Variants in RHEX observed in about 807,000 individuals in gnomAD.
RHEX encodes the protein regulator of hemoglobinization and erythroid cell expansion protein.
RHEX carries 18 observed loss-of-function variants against 20.1 expected under a neutral mutation model. The observed-to-expected ratio is 0.90, with a 90% CI of 0.62 to 1.33. RHEX has a LOEUF of 1.33. Ranked by LOEUF, RHEX falls within the 40% of genes most tolerant of loss-of-function variation. The probability of loss-of-function intolerance (pLI) is 0.00; values close to 1 mark genes in which losing one functional copy is unlikely to be tolerated. For missense variants in RHEX, 192 were observed against 214.3 expected, an observed-to-expected ratio of 0.90 and a Z score of 0.65; for synonymous variants, 87 against 77.1, an observed-to-expected ratio of 1.13 and a Z score of -0.67.
intron 1 of RHEX, chr1:206,083,474 AT>A (rs1662777082): frequency 1.0e-6 from 1 of 984,972 alleles, no homozygotes; most frequent in Non-Finnish European, 1.2e-6. Context: ...AACGAGCGAG[AT>A]TGCTATCTTC....
chr1:206,083,308 C>T (rs1360264609), intron 1 of RHEX, among the ~76,000 whole-genome samples: 1 of 152,168 alleles, frequency 6.6e-6, no homozygotes, highest in Non-Finnish European at 1.5e-5. Context: ...CTCTACCTGG[C>T]TGCGTGTGTA....
intron 1 of RHEX, among the ~76,000 whole-genome samples, chr1:206,064,670 G>C (rs542129480): frequency 2.2e-5 from 3 of 133,734 alleles, no homozygotes; most frequent in Non-Finnish European, 3.2e-5. Flanking sequence ...TCAGCCCCCC[G>C]CCCGGCCAGC....
At chr1:206,086,433 C>A (rs1267553676) in intron 1 of RHEX, among the ~76,000 whole-genome samples, 1 of 152,076 alleles carries the variant, frequency 6.6e-6, no homozygotes, top group East Asian at 1.9e-4. Flanking sequence ...ACCTCCCACC[C>A]CTGCCTTTCT....
chr1:206,069,214 G>A (rs1433841791), intron 1 of RHEX, among the ~76,000 whole-genome samples: 1 of 152,214 alleles, frequency 6.6e-6, no homozygotes, highest in Non-Finnish European at 1.5e-5. Context: ...CCTGGGTGGG[G>A]AACATGCTAC....
intron 1 of RHEX, among the ~76,000 whole-genome samples, chr1:206,081,191 G>A (rs1377546471): frequency 3.9e-5 from 6 of 152,170 alleles, no homozygotes; most frequent in Non-Finnish European, 5.9e-5. Flanking sequence ...GAGTGGACAC[G>A]ATGCATGTAT....
intron 1 of RHEX, among the ~76,000 whole-genome samples, chr1:206,072,629 G>A (rs1470951316): frequency 3.3e-5 from 5 of 152,046 alleles, no homozygotes; most frequent in Non-Finnish European, 7.4e-5. Context: ...CCATATTCCC[G>A]TAATGTACTC....
chr1:206,098,382 C>A, intron 3 of RHEX: 1 of 554,102 alleles, frequency 1.8e-6, no homozygotes, highest in South Asian at 2.3e-5. Flanking sequence ...CACCTTTTAA[C>A]CAACTATTTC....
intron 1 of RHEX, among the ~76,000 whole-genome samples, chr1:206,097,497 T>G (rs1663096642): frequency 6.6e-6 from 1 of 152,228 alleles, no homozygotes; most frequent in African/African-American, 2.4e-5. Flanking sequence ...CTGAATCCAC[T>G]TTTATAAACG....
chr1:206,095,184 G>A (rs1201692640), intron 1 of RHEX, among the ~76,000 whole-genome samples: 1 of 152,034 alleles, frequency 6.6e-6, no homozygotes, highest in Non-Finnish European at 1.5e-5. Context: ...AAACTCAAAG[G>A]TGGCAAACTC....
intron 1 of RHEX, among the ~76,000 whole-genome samples, chr1:206,082,724 G>C (rs1309621635): frequency 1.3e-5 from 2 of 152,072 alleles, no homozygotes; most frequent in Admixed American, 6.6e-5. Context: ...AAGTCACCCA[G>C]TTGCCAAGTA....
In RHEX at chr1:206,084,012, T is replaced by C. The variant is rs182764841; in HGVS notation, c.-96-13721T>C. Among the ~76,000 whole-genome samples, 6 of 152,328 alleles carry C rather than the reference T, an allele frequency of 3.9e-5. No homozygotes were observed. The East Asian group carries it at 1.2e-3, about 29-fold the overall frequency. ...GGCATAAAACACCCACCTTACAGGG[T>C]TGCTACATGGATTCAGACAATGTAC... On this transcript the variant is annotated intron_variant, in intron 1 of 5. Coordinates refer to ENST00000331555, the MANE Select transcript of RHEX (RefSeq NM_001007544.4).
chr1:206,089,833 T>C (rs941753829), intron 1 of RHEX, among the ~76,000 whole-genome samples: 3 of 152,134 alleles, frequency 2.0e-5, no homozygotes, highest in South Asian at 4.1e-4. Flanking sequence ...ATTTCTTCCA[T>C]TGCATATAAA....
chr1:206,090,575 A>G (rs906380349), intron 1 of RHEX, among the ~76,000 whole-genome samples: 8 of 152,052 alleles, frequency 5.3e-5, no homozygotes, highest in Non-Finnish European at 1.0e-4. Context: ...GATACATTTT[A>G]GAGTAACCTC....
At position 206,090,571 on chromosome 1, in the gene RHEX, T is replaced by A. The variant is rs150589517; in HGVS notation, c.-96-7162T>A. ...TTGTTCTTGTGTTTTCCCAGATACA[T>A]TTTAGAGTAACCTCAAGTTATAAAA... On this transcript the variant is annotated intron_variant, in intron 1 of 5. Transcript: ENST00000331555. Among the ~76,000 whole-genome samples the A allele has an allele frequency of 2.0e-3, 303 of 152,208 alleles. 1 individual carries two copies. The highest frequency in any genetic ancestry group is 6.7e-3 in the African/African-American group (280 of 41,534).
At chr1:206,057,744 C>T (rs1662220869) in intron 1 of RHEX, among the ~76,000 whole-genome samples, 1 of 151,308 alleles carries the variant, frequency 6.6e-6, no homozygotes, top group Non-Finnish European at 1.5e-5. Flanking sequence ...AAAAATGAAG[C>T]ATAGCCATAG....
At chr1:206,056,840 A>G (rs1662204390) in intron 1 of RHEX, among the ~76,000 whole-genome samples, 1 of 152,270 alleles carries the variant, frequency 6.6e-6, no homozygotes, top group Non-Finnish European at 1.5e-5. Flanking sequence ...TCTGTCAAGA[A>G]TCATATTTAT....
chr1:206,069,996 C>T (rs1662497331), intron 1 of RHEX, among the ~76,000 whole-genome samples: 4 of 151,372 alleles, frequency 2.6e-5, no homozygotes, highest in Admixed American at 1.3e-4. Context: ...TTCACCGTTA[C>T]TTTTTAGCAA....
At chr1:206,057,591 C>G (rs1340897960) in intron 1 of RHEX, among the ~76,000 whole-genome samples, 1 of 152,238 alleles carries the variant, frequency 6.6e-6, no homozygotes, top group Admixed American at 6.5e-5. Context: ...CTGGGTTATA[C>G]TGGGTATGTG....
chr1:206,092,739 T>A (rs1662983729), intron 1 of RHEX, among the ~76,000 whole-genome samples: 1 of 152,202 alleles, frequency 6.6e-6, no homozygotes, highest in African/African-American at 2.4e-5. Context: ...GTTTCTGAGA[T>A]TAATAGTCCC....
Sources: gnomAD v4.1 joint callset for allele counts (sites outside exome capture counted in the v4.1 genomes callset) on GRCh38, gnomAD v4.1.1 for gene constraint, MANE v1.5 for transcripts, NCBI Gene and HGNC (gene_info 2026-07-23, HGNC 2026-07-21) for gene names.